PPP1R1C: variants seen among roughly 807,000 people sequenced by gnomAD.
PPP1R1C encodes protein phosphatase 1 regulatory subunit 1C.
In PPP1R1C, 15 loss-of-function variants were observed where a neutral mutation model predicts 17.4. That is an observed-to-expected ratio of 0.86 (90% CI 0.58 to 1.33). The LOEUF is 1.33. Among genes scored for constraint, PPP1R1C ranks in the 40% most tolerant of loss-of-function variants. PPP1R1C has a pLI of 0.00. For synonymous variants in PPP1R1C, 35 were observed against 43.1 expected, an observed-to-expected ratio of 0.81 and a Z score of 0.73; for missense variants, 143 against 130.0, an observed-to-expected ratio of 1.10 and a Z score of -0.48.
At chr2:182,050,953 A>G (rs1018362380) in intron 2 of PPP1R1C, among the ~76,000 whole-genome samples, 1 of 152,212 alleles carries the variant, frequency 6.6e-6, no homozygotes, top group African/African-American at 2.4e-5. Context: ...AACTTTAAAA[A>G]GAGAATCAAA....
chr2:182,057,983 T>C (rs1687738778), intron 2 of PPP1R1C, among the ~76,000 whole-genome samples: 1 of 152,126 alleles, frequency 6.6e-6, no homozygotes, highest in South Asian at 2.1e-4. Flanking sequence ...GAAGGGCACA[T>C]TGAGTCCCAT....
At chr2:182,072,620 G>A (rs1688173151) in intron 4 of PPP1R1C, among the ~76,000 whole-genome samples, 1 of 152,016 alleles carries the variant, frequency 6.6e-6, no homozygotes, top group African/African-American at 2.4e-5. Flanking sequence ...TGTTAGAATA[G>A]CAACGGGCCT....
chr2:182,079,288 C>G (rs1332554245), intron 4 of PPP1R1C, among the ~76,000 whole-genome samples: 1 of 152,124 alleles, frequency 6.6e-6, no homozygotes, highest in Non-Finnish European at 1.5e-5. Flanking sequence ...TTTGACAAGA[C>G]AGTAAACAAT....
At chr2:182,070,412 T>A (rs917089183) in intron 4 of PPP1R1C, among the ~76,000 whole-genome samples, 30 of 152,260 alleles carry the variant, frequency 2.0e-4, no homozygotes, top group African/African-American at 7.0e-4. Context: ...CCAAAGCATT[T>A]GAAGCCCTTG....
intron 2 of PPP1R1C, among the ~76,000 whole-genome samples, chr2:181,993,452 G>A (rs183301369): frequency 3.9e-5 from 6 of 152,094 alleles, no homozygotes; most frequent in Non-Finnish European, 1.5e-5. Flanking sequence ...TCAAATAAAC[G>A]CTATACTGGC....
At chr2:182,104,105 G>C (rs1247468484) in intron 4 of PPP1R1C, among the ~76,000 whole-genome samples, 2 of 152,120 alleles carry the variant, frequency 1.3e-5, no homozygotes, top group Non-Finnish European at 2.9e-5. Context: ...CTTGCCACTA[G>C]GTAAAATTTG....
At chr2:182,046,564 CAA>C (rs146696724) in intron 2 of PPP1R1C, among the ~76,000 whole-genome samples, 49 of 119,042 alleles carry the variant, frequency 4.1e-4, no homozygotes, top group Middle Eastern at 4.3e-3. Flanking sequence ...CGTCTCTACT[CAA>C]AAAAAAAAAA....
chr2:182,038,794 A>C (rs1687093462), intron 2 of PPP1R1C, among the ~76,000 whole-genome samples: 1 of 152,260 alleles, frequency 6.6e-6, no homozygotes, highest in South Asian at 2.1e-4. Context: ...TCAGGAATGT[A>C]GTGCTCAGTT....
chr2:182,102,733 A>T (rs560598548), intron 4 of PPP1R1C, among the ~76,000 whole-genome samples: 1 of 152,168 alleles, frequency 6.6e-6, no homozygotes, highest in Admixed American at 6.5e-5. Flanking sequence ...TTTTTTGTAA[A>T]TGTAATATAT....
intron 4 of PPP1R1C, among the ~76,000 whole-genome samples, chr2:182,105,370 CA>C (rs1271401760): frequency 2.6e-5 from 4 of 152,136 alleles, no homozygotes; most frequent in Non-Finnish European, 5.9e-5. Flanking sequence ...CATCCGTCAG[CA>C]TAGTTTTAGG....
At chr2:182,073,486 G>T (rs1483103758) in intron 4 of PPP1R1C, among the ~76,000 whole-genome samples, 1 of 152,162 alleles carries the variant, frequency 6.6e-6, no homozygotes, top group Non-Finnish European at 1.5e-5. Context: ...CTGTCTTCCA[G>T]GTCATTTATT....
At chr2:182,103,844 C>T (rs545202737) in intron 4 of PPP1R1C, 1 of 152,170 alleles carries the variant, frequency 6.6e-6, no homozygotes, top group Non-Finnish European at 1.5e-5. Flanking sequence ...CAAACAGCCT[C>T]AGGATATGGA....
intron 2 of PPP1R1C, among the ~76,000 whole-genome samples, chr2:182,029,457 C>A (rs1435031114): frequency 6.6e-6 from 1 of 151,438 alleles, no homozygotes. Context: ...TATTTTATTT[C>A]TCCTTCACTT....
chr2:182,013,271 G>A lies in PPP1R1C; in HGVS notation c.142+25372G>A, dbSNP rs140292788. On this transcript the variant is annotated intron_variant, in intron 2 of 4. Coordinates refer to ENST00000682840, the MANE Select transcript of PPP1R1C (RefSeq NM_001080545.3). ...CAGGGAGTCTTTATTTCTCCTTCAT[G>A]ATTGAAGGATTTTTCACTGTACATA... Among the ~76,000 whole-genome samples, 14 of 152,158 alleles carry A rather than the reference G, an allele frequency of 9.2e-5. No individual in the cohort carries two copies. The East Asian group carries it at 2.5e-3, about 27-fold the overall frequency.
chr2:182,026,403 G>C (rs1484317116), intron 2 of PPP1R1C, among the ~76,000 whole-genome samples: 6 of 137,258 alleles, frequency 4.4e-5, no homozygotes, highest in East Asian at 4.1e-4. Flanking sequence ...GTAAGGAAGG[G>C]ATCCAGTTTC....
intron 4 of PPP1R1C, among the ~76,000 whole-genome samples, chr2:182,091,307 T>C (rs1354783758): frequency 6.6e-6 from 1 of 152,114 alleles, no homozygotes; most frequent in Non-Finnish European, 1.5e-5. Flanking sequence ...TGAAATATGA[T>C]GAAATATTAA....
intron 1 of PPP1R1C, among the ~76,000 whole-genome samples, chr2:181,956,027 C>G (rs1363911406): frequency 1.3e-5 from 2 of 152,154 alleles, no homozygotes; most frequent in African/African-American, 4.8e-5. Flanking sequence ...CTATCCCTCC[C>G]CTATCTCCTC....
At chr2:181,966,463 A>T (rs1684906015) in intron 1 of PPP1R1C, among the ~76,000 whole-genome samples, 1 of 152,040 alleles carries the variant, frequency 6.6e-6, no homozygotes, top group Admixed American at 6.5e-5. Flanking sequence ...CTTTTATTGC[A>T]TTGAGGTATG....
chr2:182,042,364 AT>A (rs1435093239), intron 2 of PPP1R1C, among the ~76,000 whole-genome samples: 2 of 152,224 alleles, frequency 1.3e-5, no homozygotes, highest in African/African-American at 4.8e-5. Context: ...CTGGGATGGA[AT>A]TTCAGAAAGC....
Sources: gnomAD v4.1 joint callset for allele counts (sites outside exome capture counted in the v4.1 genomes callset) on GRCh38, gnomAD v4.1.1 for gene constraint, MANE v1.5 for transcripts, NCBI Gene and HGNC (gene_info 2026-07-23, HGNC 2026-07-21) for gene names.